Variants in TPTE observed in about 807,000 individuals in gnomAD.
The protein encoded by TPTE is putative tyrosine-protein phosphatase TPTE.
A neutral mutation model predicts 84.1 loss-of-function variants in TPTE; 59 were observed. The ratio of observed to expected loss-of-function variants is 0.70; its 90% confidence interval spans 0.57 to 0.87. The LOEUF is 0.87. Among genes scored for constraint, TPTE ranks in the 40% least tolerant of loss-of-function variants. TPTE has a pLI of 0.00. For synonymous variants in TPTE, 130 were observed against 223.5 expected, an observed-to-expected ratio of 0.58 and a Z score of 3.73; for missense variants, 382 against 659.6, an observed-to-expected ratio of 0.58 and a Z score of 4.61.
At chr21:10,556,837 C>A (rs1321062598) in intron 8 of TPTE, among the ~76,000 whole-genome samples, 1 of 152,304 alleles carries the variant, frequency 6.6e-6, no homozygotes, top group East Asian at 1.9e-4. Flanking sequence ...GCATAAATGT[C>A]TTCTTTTGAG....
intron 17 of TPTE, among the ~76,000 whole-genome samples, chr21:10,585,362 A>G (rs1452398091): frequency 1.3e-5 from 2 of 152,308 alleles, no homozygotes; most frequent in Non-Finnish European, 2.9e-5. Flanking sequence ...TGAGATGATA[A>G]TTTTTCTACT....
intron 2 of TPTE, among the ~76,000 whole-genome samples, chr21:10,525,804 T>G (rs1367723063): frequency 2.6e-5 from 4 of 152,310 alleles, no homozygotes; most frequent in Non-Finnish European, 1.5e-5. Context: ...TATCAAAGTA[T>G]TATTTCAGAC....
intron 17 of TPTE, among the ~76,000 whole-genome samples, chr21:10,588,326 T>A (rs531661820): frequency 6.6e-6 from 1 of 152,424 alleles, no homozygotes; most frequent in African/African-American, 2.4e-5. Flanking sequence ...GAACCTTGTA[T>A]CCTTGGAATG....
At chr21:10,543,211 T>A in intron 6 of TPTE, 118 bp from the exon 7 acceptor site, 1 of 1,352,512 alleles carries the variant, frequency 7.4e-7, no homozygotes, top group Non-Finnish European at 9.9e-7. Context: ...TTTTTGTATT[T>A]TTAGTAGAGA....
chr21:10,556,963 A>C (rs1167290640), intron 8 of TPTE, among the ~76,000 whole-genome samples: 3 of 152,306 alleles, frequency 2.0e-5, no homozygotes, highest in Non-Finnish European at 2.9e-5. Flanking sequence ...AGATGAGTAG[A>C]TTCCAAAAAT....
rs780993714 is a variant in TPTE, at chr21:10,562,605, C to CA, written c.446+1420dup. Among the ~76,000 whole-genome samples the CA allele has an allele frequency of 4.7e-4, 71 of 152,380 alleles. No individual in the cohort carries two copies. In the East Asian group the frequency reaches 9.5e-3, roughly 20 times the overall value. On this transcript the variant is annotated intron_variant, in intron 10 of 23. Coordinates refer to ENST00000618007, the MANE Select transcript of TPTE (RefSeq NM_199261.4). ...AAGAATCAAGCAGAAATTCTGGAGC[C>CA]AAAAAATGTAATTGGCATGCCGAAG...
chr21:10,540,037 AAAAC>A (rs139773176), intron 4 of TPTE, among the ~76,000 whole-genome samples: 26,550 of 140,138 alleles, frequency 0.19, 1 homozygote, highest in Non-Finnish European at 0.21. Flanking sequence ...ACAACAAACA[AAAAC>A]AAAAAACCAA....
chr21:10,587,036 G>A (rs1224962286), intron 17 of TPTE, among the ~76,000 whole-genome samples: 1 of 152,412 alleles, frequency 6.6e-6, no homozygotes, highest in Non-Finnish European at 1.5e-5. Flanking sequence ...CACAGGTGCA[G>A]GCTGAATTTT....
rs553469413 is a variant in TPTE, at chr21:10,528,924, A to G, written c.-44+1512A>G. Among the ~76,000 whole-genome samples, 66 of 152,408 alleles carry G rather than the reference A, an allele frequency of 4.3e-4. No individual in the cohort carries two copies. In the South Asian group the frequency reaches 0.013, roughly 30 times the overall value. ...TTTTCTGGCTGGGCATGGTGGCTCAAGCCTGTAATCCCAGCACTTTGGGAG... is the reference window on the plus strand; with the variant it reads ...TTTTCTGGCTGGGCATGGTGGCTCAGGCCTGTAATCCCAGCACTTTGGGAG... On this transcript the variant is annotated intron_variant, in intron 3 of 23. Coordinates refer to ENST00000618007, the MANE Select transcript of TPTE (RefSeq NM_199261.4).
chr21:10,530,075 T>G (rs1239107956), intron 3 of TPTE, among the ~76,000 whole-genome samples: 3 of 152,306 alleles, frequency 2.0e-5, no homozygotes, highest in Non-Finnish European at 4.4e-5. Context: ...TATTTTGATC[T>G]TTAAATGGTC....
intron 1 of TPTE, among the ~76,000 whole-genome samples, chr21:10,522,280 G>T (rs1424565899): frequency 6.6e-6 from 1 of 152,254 alleles, no homozygotes; most frequent in Admixed American, 6.5e-5. Flanking sequence ...GCTCTTGGCC[G>T]TCACACTCAC....
At chr21:10,547,016 G>A (rs2074480299) in intron 7 of TPTE, among the ~76,000 whole-genome samples, 1 of 152,310 alleles carries the variant, frequency 6.6e-6, no homozygotes, top group Admixed American at 6.5e-5. Flanking sequence ...ATGCCATCTA[G>A]GACTTTTATA....
At chr21:10,581,145 T>A (rs2075264256) in intron 17 of TPTE, among the ~76,000 whole-genome samples, 1 of 152,308 alleles carries the variant, frequency 6.6e-6, no homozygotes, top group Non-Finnish European at 1.5e-5. Context: ...TGTATATTAG[T>A]TAATATACAG....
chr21:10,535,370 AC>A (rs1396526938), intron 3 of TPTE, among the ~76,000 whole-genome samples: 11 of 152,302 alleles, frequency 7.2e-5, no homozygotes, highest in Non-Finnish European at 1.5e-4. Flanking sequence ...GAAACATAAA[AC>A]AATGAAAGAG....
chr21:10,579,342 T>C (rs544210850), intron 17 of TPTE, among the ~76,000 whole-genome samples: 3 of 152,418 alleles, frequency 2.0e-5, no homozygotes, highest in South Asian at 2.1e-4. Flanking sequence ...TACAAAACAT[T>C]AGCCAGGTGT....
At chr21:10,576,866 TATA>T (rs2145728021) in intron 14 of TPTE, among the ~76,000 whole-genome samples, 1 of 135,826 alleles carries the variant, frequency 7.4e-6, no homozygotes, top group African/African-American at 2.8e-5. Flanking sequence ...TATATATATA[TATA>T]TATATATAGA....
intron 17 of TPTE, among the ~76,000 whole-genome samples, chr21:10,587,155 T>G (rs2075381239): frequency 6.6e-6 from 1 of 152,312 alleles, no homozygotes; most frequent in Non-Finnish European, 1.5e-5. Context: ...GGATGATTCT[T>G]GCATTTGTTA....
intron 2 of TPTE, among the ~76,000 whole-genome samples, chr21:10,525,675 A>G (rs1159997503): frequency 1.3e-5 from 2 of 152,310 alleles, no homozygotes; most frequent in Non-Finnish European, 2.9e-5. Context: ...GCATTTAAGA[A>G]TTCTGCATGA....
intron 23 of TPTE, among the ~76,000 whole-genome samples, chr21:10,604,587 T>C (rs150479): frequency 1.2e-4 from 18 of 151,844 alleles, no homozygotes; most frequent in African/African-American, 4.3e-4. Context: ...GTCAACTTTG[T>C]ATTTGATGGA....
Sources: allele counts gnomAD v4.1 joint callset (sites outside exome capture counted in the v4.1 genomes callset), GRCh38; gene constraint gnomAD v4.1.1; transcripts MANE v1.5; gene names NCBI Gene and HGNC (gene_info 2026-07-23, HGNC 2026-07-21).